Variants in CSMD1 observed in about 807,000 individuals in gnomAD.
CSMD1 encodes the protein CUB and sushi domain-containing protein 1.
CSMD1 carries 213 observed loss-of-function variants against 417.5 expected under a neutral mutation model. The observed-to-expected ratio is 0.51, with a 90% CI of 0.46 to 0.57. The LOEUF (loss-of-function observed/expected upper bound fraction) is 0.57. CSMD1 is among the 20% of genes least tolerant of loss of function. CSMD1 has a pLI of 0.00. For missense variants in CSMD1, 6,923 were observed against 4,529.7 expected (o/e 1.53, Z -15.17); for synonymous variants, 2,862 against 1,736.8 (o/e 1.65, Z -16.11).
intron 20 of CSMD1, among the ~76,000 whole-genome samples, chr8:3,359,556 G>C (rs912366533): frequency 7.0e-6 from 1 of 142,302 alleles, no homozygotes; most frequent in African/African-American, 2.6e-5. Context: ...TTTTTTTTAA[G>C]AATTGACAGG....
chr8:4,151,996 G>C (rs996785193), intron 3 of CSMD1, among the ~76,000 whole-genome samples: 5 of 151,970 alleles, frequency 3.3e-5, no homozygotes, highest in African/African-American at 2.4e-5. Context: ...GTTTGCTAGG[G>C]GGTCATTTTA....
chr8:3,450,369 G>C (rs1815619573), intron 12 of CSMD1, among the ~76,000 whole-genome samples: 2 of 151,622 alleles, frequency 1.3e-5, no homozygotes, highest in East Asian at 1.9e-4. Context: ...GTGCAGGTTT[G>C]TTACATATGT....
chr8:4,133,565 G>C (rs955058628), intron 3 of CSMD1, among the ~76,000 whole-genome samples: 1 of 152,130 alleles, frequency 6.6e-6, no homozygotes, highest in Non-Finnish European at 1.5e-5. Flanking sequence ...TTGTAGGAAA[G>C]CCGTGCATTA....
intron 1 of CSMD1, among the ~76,000 whole-genome samples, chr8:4,932,689 T>G (rs7829151): frequency 0.31 from 47,393 of 152,040 alleles, 8,355 homozygotes; most frequent in Non-Finnish European, 0.41. Flanking sequence ...ACACAGTAAA[T>G]GCCAGCAACA....
chr8:4,761,892 TACCTATCTATCTATCTATCA>T (rs1235308411), intron 1 of CSMD1, among the ~76,000 whole-genome samples: 4,428 of 104,188 alleles, frequency 0.043, 91 homozygotes, highest in African/African-American at 0.051. Context: ...TCTATCTACC[TACCTATCTATCTATCTATCA>T]ATCTATCTAT....
intron 5 of CSMD1, among the ~76,000 whole-genome samples, chr8:3,762,528 A>T (rs985699709): frequency 6.6e-6 from 1 of 152,196 alleles, no homozygotes; most frequent in Non-Finnish European, 1.5e-5. Context: ...ATCCTCTGTG[A>T]CTCAGCGAGT....
intron 11 of CSMD1, among the ~76,000 whole-genome samples, chr8:3,475,221 C>G (rs1403967638): frequency 6.6e-6 from 1 of 152,158 alleles, no homozygotes; most frequent in African/African-American, 2.4e-5. Context: ...TCACAGAATC[C>G]TTCACGCAAT....
intron 1 of CSMD1, among the ~76,000 whole-genome samples, chr8:4,974,107 G>C (rs574518051): frequency 1.3e-5 from 2 of 151,976 alleles, no homozygotes; most frequent in Non-Finnish European, 2.9e-5. Context: ...TGCAATCTCC[G>C]CCTCTTGGGC....
intron 26 of CSMD1, among the ~76,000 whole-genome samples, chr8:3,248,235 A>G (rs1227885830): frequency 6.6e-6 from 1 of 152,222 alleles, no homozygotes; most frequent in Non-Finnish European, 1.5e-5. Flanking sequence ...CTGTAATAGG[A>G]AGAATGAAAT....
chr8:4,157,655 T>G (rs1383956249), intron 3 of CSMD1, among the ~76,000 whole-genome samples: 1 of 152,202 alleles, frequency 6.6e-6, no homozygotes, highest in Non-Finnish European at 1.5e-5. Flanking sequence ...CTCTGTTATC[T>G]GGGCATGGGG....
intron 1 of CSMD1, among the ~76,000 whole-genome samples, chr8:4,863,174 G>A (rs1410947985): frequency 6.6e-6 from 1 of 151,988 alleles, no homozygotes; most frequent in Non-Finnish European, 1.5e-5. Context: ...AATTGACAAG[G>A]TGCTTCATTT....
At chr8:3,827,114 A>G in intron 5 of CSMD1, among the ~76,000 whole-genome samples, 1 of 152,146 alleles carries the variant, frequency 6.6e-6, no homozygotes, top group South Asian at 2.1e-4. Context: ...TAGATGTAAA[A>G]ACCGTAAAAG....
intron 3 of CSMD1, among the ~76,000 whole-genome samples, chr8:4,108,688 A>G (rs1345032510): frequency 6.6e-6 from 1 of 152,182 alleles, no homozygotes; most frequent in Non-Finnish European, 1.5e-5. Context: ...CTTTTAGAAC[A>G]GTTAAGCAGA....
intron 1 of CSMD1, among the ~76,000 whole-genome samples, chr8:4,733,122 T>C (rs1194846877): frequency 6.6e-6 from 1 of 152,220 alleles, no homozygotes; most frequent in East Asian, 1.9e-4. Context: ...AAGGCAACCA[T>C]TCATTCCTTC....
chr8:4,264,937 G>A (rs758406617), intron 3 of CSMD1, among the ~76,000 whole-genome samples: 1 of 152,160 alleles, frequency 6.6e-6, no homozygotes, highest in African/African-American at 2.4e-5. Flanking sequence ...ACTTCTACTT[G>A]AATCAAATAT....
At chr8:4,427,521 TCAAA>T (rs1797633057) in intron 2 of CSMD1, among the ~76,000 whole-genome samples, 1 of 150,922 alleles carries the variant, frequency 6.6e-6, no homozygotes, top group Non-Finnish European at 1.5e-5. Context: ...ACATGCACAC[TCAAA>T]CACACACAGT....
intron 1 of CSMD1, among the ~76,000 whole-genome samples, chr8:4,662,227 T>C (rs1352053674): frequency 6.6e-6 from 1 of 152,192 alleles, no homozygotes; most frequent in South Asian, 2.1e-4. Flanking sequence ...TATGCTATAA[T>C]GATTTTTTAT....
chr8:3,539,120 G>C (rs939762369), intron 10 of CSMD1, among the ~76,000 whole-genome samples: 3 of 152,188 alleles, frequency 2.0e-5, no homozygotes, highest in African/African-American at 4.8e-5. Flanking sequence ...CCCGCGGATA[G>C]CAGGGACCGC....
intron 23 of CSMD1, among the ~76,000 whole-genome samples, chr8:3,338,674 G>A (rs1807436269): frequency 6.6e-6 from 1 of 152,160 alleles, no homozygotes; most frequent in African/African-American, 2.4e-5. Context: ...GTGCACTTCT[G>A]CAGGGTGCAT....
Sources: allele counts gnomAD v4.1 joint callset (sites outside exome capture counted in the v4.1 genomes callset), GRCh38; gene constraint gnomAD v4.1.1; transcripts MANE v1.5; gene names NCBI Gene and HGNC (gene_info 2026-07-23, HGNC 2026-07-21).